The following TSPAN15 variants were observed in gnomAD, a reference collection of about 807,000 sequenced individuals.
TSPAN15 encodes the protein tetraspanin 15.
Under a neutral mutation model 34.5 loss-of-function variants are expected in TSPAN15, and 20 were observed. The observed-to-expected ratio is 0.58, with a 90% confidence interval of 0.41 to 0.84. The LOEUF is 0.84. Among genes scored for constraint, TSPAN15 ranks in the 40% least tolerant of loss-of-function variants. The pLI, the probability that TSPAN15 is intolerant of heterozygous loss-of-function variation, is 0.00. For synonymous variants in TSPAN15, 155 were observed against 153.9 expected, an observed-to-expected ratio of 1.01 and a Z score of -0.05; for missense variants, 313 against 386.1, an observed-to-expected ratio of 0.81 and a Z score of 1.59.
chr10:69,492,477 G>A (rs1343085740), intron 3 of TSPAN15, among the ~76,000 whole-genome samples: 1 of 152,144 alleles, frequency 6.6e-6, no homozygotes, highest in Non-Finnish European at 1.5e-5. Context: ...GCCTCAAAGA[G>A]CTCCCTGATG....
At chr10:69,488,519 AACCC>A (rs1355944586) in intron 3 of TSPAN15, among the ~76,000 whole-genome samples, 2 of 152,254 alleles carry the variant, frequency 1.3e-5, no homozygotes, top group African/African-American at 4.8e-5. Flanking sequence ...GTATTGGGGG[AACCC>A]ACCCCCAATA....
intron 5 of TSPAN15, among the ~76,000 whole-genome samples, chr10:69,503,792 C>T (rs1020338684): frequency 2.0e-5 from 3 of 152,186 alleles, no homozygotes; most frequent in Non-Finnish European, 4.4e-5. Flanking sequence ...ATGGGAAGTG[C>T]CCGCGGCAGC....
intron 1 of TSPAN15, among the ~76,000 whole-genome samples, chr10:69,458,772 G>T (rs1033723096): frequency 6.6e-6 from 1 of 152,196 alleles, no homozygotes; most frequent in Admixed American, 6.5e-5. Context: ...TTATAGATGA[G>T]CAAACTAAGG....
intron 1 of TSPAN15, among the ~76,000 whole-genome samples, chr10:69,474,172 C>T (rs1841566605): frequency 6.8e-6 from 1 of 146,168 alleles, no homozygotes; most frequent in South Asian, 2.1e-4. Flanking sequence ...CCCCCACCTG[C>T]TCTCCCCACC....
chr10:69,477,220 C>T (rs1158068564), intron 1 of TSPAN15, among the ~76,000 whole-genome samples: 6 of 152,070 alleles, frequency 3.9e-5, no homozygotes, highest in Non-Finnish European at 8.8e-5. Flanking sequence ...CTGCAACCTC[C>T]GCCTCCCGGG....
intron 3 of TSPAN15, among the ~76,000 whole-genome samples, chr10:69,485,574 G>A (rs970135157): frequency 2.0e-5 from 3 of 152,114 alleles, no homozygotes; most frequent in East Asian, 3.8e-4. Context: ...AGGTGAAGTC[G>A]AAAGGGCTGG....
In TSPAN15 at chr10:69,505,949, A is replaced by G. The variant is rs74139150; in HGVS notation, c.619-175A>G. The G allele has an allele frequency of 8.8e-3, 5,046 of 573,618 alleles. 200 individuals are homozygous for G. The highest frequency in any genetic ancestry group is 0.084 in the African/African-American group (4,532 of 53,796). The allele number at this position is 573,618 out of a possible 1,614,324, so 35.5% of individuals were successfully genotyped here. ...GTGTCCCCAGTCCTCTCTAGAGAACAGTACTGTCCATTAAGAATCAGAATC... is the reference window on the plus strand; with the variant it reads ...GTGTCCCCAGTCCTCTCTAGAGAACGGTACTGTCCATTAAGAATCAGAATC... On this transcript the variant is annotated intron_variant, in intron 6 of 7. Coordinates refer to ENST00000373290, the MANE Select transcript of TSPAN15 (RefSeq NM_012339.5).
At chr10:69,463,755 A>G (rs1029837168) in intron 1 of TSPAN15, among the ~76,000 whole-genome samples, 1 of 149,802 alleles carries the variant, frequency 6.7e-6, no homozygotes, top group African/African-American at 2.5e-5. Flanking sequence ...GGTTGCAGTG[A>G]GCCGAGATGG....
At chr10:69,464,209 C>A (rs935917016) in intron 1 of TSPAN15, among the ~76,000 whole-genome samples, 2 of 152,260 alleles carry the variant, frequency 1.3e-5, no homozygotes, top group African/African-American at 4.8e-5. Flanking sequence ...AGAGATTAAA[C>A]TTCTGTTTTA....
the TSPAN15 span, among the ~76,000 whole-genome samples, chr10:69,517,525 C>A: frequency 2.0e-4 from 30 of 152,312 alleles, no homozygotes; most frequent in African/African-American, 7.2e-4. Flanking sequence ...GCCTTGCTGG[C>A]AGCAAAAGTG....
chr10:69,496,668 G>A (rs1026098046), intron 4 of TSPAN15, among the ~76,000 whole-genome samples: 1 of 152,156 alleles, frequency 6.6e-6, no homozygotes, highest in Non-Finnish European at 1.5e-5. Flanking sequence ...TAATCTTGGG[G>A]GCCTCAGCTG....
rs959004643 is a variant in TSPAN15, at chr10:69,498,057, G to C, written c.454-223G>C. ...TACCCTGATATCCCACCAAGAGGCAGCCCAGCCTTGGCTTCCATACCTCTC... is the reference window on the plus strand; with the variant it reads ...TACCCTGATATCCCACCAAGAGGCACCCCAGCCTTGGCTTCCATACCTCTC... On this transcript the variant is annotated intron_variant, in intron 4 of 7. Coordinates refer to ENST00000373290, the MANE Select transcript of TSPAN15 (RefSeq NM_012339.5). Among the ~76,000 whole-genome samples, 4 of 152,164 alleles carry C rather than the reference G, an allele frequency of 2.6e-5. No homozygotes were observed. In the South Asian group the frequency reaches 8.3e-4, roughly 32 times the overall value.
chr10:69,499,432 A>G (rs2133150292), intron 5 of TSPAN15, among the ~76,000 whole-genome samples: 1 of 152,344 alleles, frequency 6.6e-6, no homozygotes, highest in East Asian at 1.9e-4. Context: ...GCTGAGGAGT[A>G]GCAGAGTTTC....
At chr10:69,471,582 C>A (rs983266587) in intron 1 of TSPAN15, among the ~76,000 whole-genome samples, 1 of 150,528 alleles carries the variant, frequency 6.6e-6, no homozygotes, top group Non-Finnish European at 1.5e-5. Context: ...TCCCCACCTT[C>A]TCTCCCTCCC....
intron 3 of TSPAN15, among the ~76,000 whole-genome samples, chr10:69,489,304 T>C (rs1841920868): frequency 2.0e-5 from 3 of 152,182 alleles, no homozygotes; most frequent in Admixed American, 2.0e-4. Context: ...ATCGCTGTTA[T>C]TCTGTTCTTT....
intron 6 of TSPAN15, among the ~76,000 whole-genome samples, chr10:69,505,769 T>C (rs16926420): frequency 0.19 from 29,403 of 152,024 alleles, 3,075 homozygotes; most frequent in Middle Eastern, 0.28. Flanking sequence ...ATAAATAGGC[T>C]TTTCATGTAT....
chr10:69,489,977 C>T (rs1015364866), intron 3 of TSPAN15, among the ~76,000 whole-genome samples: 3 of 152,202 alleles, frequency 2.0e-5, no homozygotes, highest in African/African-American at 7.2e-5. Context: ...GTGGGCAGCT[C>T]CTCATGCTTC....
rs1589658048 is a variant in TSPAN15 at position 69,507,348 on chromosome 10, T to C, written c.*370T>C. 7 of 1,208,560 alleles carry C rather than the reference T, an allele frequency of 5.8e-6. No individual in the cohort carries two copies. The highest frequency in any genetic ancestry group is 1.1e-4 in the East Asian group (2 of 17,692). 74.9% of individuals were successfully genotyped at this position (1,208,560 alleles called of 1,614,324 possible). A position where few individuals can be genotyped will look rare whatever the true frequency, so the allele number is the denominator to read the frequency against. On this transcript the variant is annotated 3_prime_UTR_variant, in exon 8 of 8. Transcript: ENST00000373290. ...CAAGGCAGTTTTGTAGCACCTGTAA[T>C]TGGGGAGAGGGAGTGTGCCCCTCGG...
intron 1 of TSPAN15, among the ~76,000 whole-genome samples, chr10:69,478,440 G>A (rs2133101858): frequency 6.6e-6 from 1 of 152,292 alleles, no homozygotes; most frequent in Non-Finnish European, 1.5e-5. Flanking sequence ...GACGGTTGTG[G>A]AATGAAGTGG....
Sources: allele counts gnomAD v4.1 joint callset (sites outside exome capture counted in the v4.1 genomes callset), GRCh38; gene constraint gnomAD v4.1.1; transcripts MANE v1.5; gene names NCBI Gene and HGNC (gene_info 2026-07-23, HGNC 2026-07-21).